The following AFF3 variants were observed in gnomAD, a reference collection of about 807,000 sequenced individuals.
AFF3 encodes the protein ALF transcription elongation factor 3, also known as AF4/FMR2 family member 3.
In AFF3, 32 loss-of-function variants were observed where a neutral mutation model predicts 129.7. That is an observed-to-expected ratio of 0.25 (90% CI 0.19 to 0.33). The LOEUF is 0.33. Ranked by LOEUF, AFF3 falls within the 10% of genes least tolerant of loss-of-function variation. The pLI, the probability that AFF3 is intolerant of heterozygous loss-of-function variation, is 1.00. For synonymous variants in AFF3, 644 were observed against 635.4 expected (o/e 1.01, Z -0.20); for missense variants, 1,373 against 1,592.0 (o/e 0.86, Z 2.34).
At chr2:99,626,704 T>C (rs1037997980) in intron 13 of AFF3, among the ~76,000 whole-genome samples, 3 of 152,162 alleles carry the variant, frequency 2.0e-5, no homozygotes, top group African/African-American at 7.2e-5. Context: ...CATTAGTTAT[T>C]GTTTCTGACT....
intron 12 of AFF3, among the ~76,000 whole-genome samples, chr2:99,666,752 G>C (rs1424302104): frequency 6.6e-6 from 1 of 152,194 alleles, no homozygotes; most frequent in Admixed American, 6.5e-5. Context: ...AGCAGGAGTA[G>C]CTGTGCTGTT....
intron 7 of AFF3, among the ~76,000 whole-genome samples, chr2:99,981,849 G>T (rs1021526484): frequency 2.6e-5 from 4 of 152,158 alleles, no homozygotes; most frequent in African/African-American, 9.7e-5. Flanking sequence ...TTTCTCACAT[G>T]AGCTTCAAAA....
chr2:99,657,352 A>G (rs1416912677), intron 12 of AFF3, among the ~76,000 whole-genome samples: 1 of 151,976 alleles, frequency 6.6e-6, no homozygotes, highest in South Asian at 2.1e-4. Context: ...CTCTCCATGC[A>G]CTCCTAGTCT....
intron 12 of AFF3, among the ~76,000 whole-genome samples, chr2:99,653,841 G>A (rs898400385): frequency 3.4e-5 from 5 of 148,798 alleles, no homozygotes; most frequent in Admixed American, 3.3e-4. Flanking sequence ...GCAACAGCAT[G>A]GTACTTAGCA....
At chr2:100,106,380 G>A (rs898319956) in intron 2 of AFF3, 1 of 1,108,386 alleles carries the variant, frequency 9.0e-7, no homozygotes, top group Non-Finnish European at 1.1e-6. Context: ...ATAGGAAAAA[G>A]TACAGGTGTG....
rs1055777174 is a variant in AFF3, at chr2:99,546,694, C to T, written c.*4780G>A. 8.7e-6 allele frequency: 2 copies of T among 229,374 alleles called. No homozygotes were observed. Among genetic ancestry groups the T allele is most frequent in the Non-Finnish European group, 1.7e-5 (2 of 115,640 alleles). 14.2% of individuals were successfully genotyped at this position (229,374 alleles called of 1,614,324 possible). A position where few individuals can be genotyped will look rare whatever the true frequency, so the allele number is the denominator to read the frequency against. ...TCATGTCAAGCCACTGGTCTAATGCCTCCGTCTTCTTTAGTTCAAAATTAT... is the reference window on the plus strand; with the variant it reads ...TCATGTCAAGCCACTGGTCTAATGCTTCCGTCTTCTTTAGTTCAAAATTAT... On this transcript the variant is annotated 3_prime_UTR_variant, in exon 25 of 25. Transcript: ENST00000672756.
chr2:99,617,812 GA>G (rs1188072156), intron 13 of AFF3, among the ~76,000 whole-genome samples: 3 of 152,136 alleles, frequency 2.0e-5, no homozygotes, highest in Non-Finnish European at 4.4e-5. Context: ...CAAAGGAGTA[GA>G]AAAGTCAGCT....
intron 4 of AFF3, among the ~76,000 whole-genome samples, chr2:100,023,398 T>C (rs1284616773): frequency 6.6e-6 from 1 of 152,190 alleles, no homozygotes; most frequent in Non-Finnish European, 1.5e-5. Flanking sequence ...CATTGTCCTT[T>C]TGGAATTAAA....
chr2:99,646,299 A>T (rs1161094013), intron 13 of AFF3, among the ~76,000 whole-genome samples: 1 of 152,182 alleles, frequency 6.6e-6, no homozygotes, highest in Non-Finnish European at 1.5e-5. Context: ...GGAGGATAAG[A>T]CCCAGAGTGT....
chr2:99,650,065 T>C (rs1685094973), intron 12 of AFF3, among the ~76,000 whole-genome samples: 1 of 152,246 alleles, frequency 6.6e-6, no homozygotes, highest in African/African-American at 2.4e-5. Context: ...TTGTAGCTTC[T>C]TTCCCAATGA....
chr2:99,771,351 G>A (rs971830021), intron 8 of AFF3, among the ~76,000 whole-genome samples: 5 of 150,916 alleles, frequency 3.3e-5, no homozygotes, highest in Admixed American at 1.3e-4. Context: ...CGAGGTACAC[G>A]TTACCTATGT....
At chr2:99,776,231 A>G (rs1683895196) in intron 8 of AFF3, among the ~76,000 whole-genome samples, 1 of 152,226 alleles carries the variant, frequency 6.6e-6, no homozygotes, top group Non-Finnish European at 1.5e-5. Flanking sequence ...CCAGCAGCAG[A>G]GTCAAAATTA....
chr2:99,812,248 C>T (rs1232933346), intron 8 of AFF3, among the ~76,000 whole-genome samples: 3 of 152,170 alleles, frequency 2.0e-5, no homozygotes, highest in Admixed American at 1.3e-4. Flanking sequence ...TTTCCAGAAG[C>T]GGTCAGCTTC....
chr2:99,839,145 T>C (rs999039285), intron 7 of AFF3, among the ~76,000 whole-genome samples: 2 of 152,156 alleles, frequency 1.3e-5, no homozygotes, highest in Admixed American at 1.3e-4. Context: ...GTTTCGCTCT[T>C]GTTGCCCAGG....
At chr2:99,701,633 A>G (rs1676873606) in intron 11 of AFF3, among the ~76,000 whole-genome samples, 1 of 152,242 alleles carries the variant, frequency 6.6e-6, no homozygotes, top group Admixed American at 6.5e-5. Context: ...GGAAACTGAC[A>G]TTAGAACAAT....
At chr2:99,564,240 G>T (rs532453237) in intron 20 of AFF3, among the ~76,000 whole-genome samples, 1 of 152,226 alleles carries the variant, frequency 6.6e-6, no homozygotes, top group East Asian at 1.9e-4. Context: ...TGTGCTCAAG[G>T]TACTCACACT....
At chr2:99,766,262 G>T (rs1683006033) in intron 8 of AFF3, among the ~76,000 whole-genome samples, 1 of 152,240 alleles carries the variant, frequency 6.6e-6, no homozygotes, top group Admixed American at 6.5e-5. Context: ...CCTGCCGAAG[G>T]CACATGCCTT....
At chr2:99,581,588 G>A (rs1021663684) in intron 17 of AFF3, among the ~76,000 whole-genome samples, 5 of 150,766 alleles carry the variant, frequency 3.3e-5, no homozygotes, top group Admixed American at 6.6e-5. Context: ...GTGCAATCTC[G>A]GCTCACTGTA....
intron 4 of AFF3, among the ~76,000 whole-genome samples, chr2:100,038,067 T>C (rs897281267): frequency 1.3e-5 from 2 of 151,968 alleles, no homozygotes. Flanking sequence ...CTAGGCTTTA[T>C]TTCTTTGTAC....
Sources: gnomAD v4.1 joint callset for allele counts (sites outside exome capture counted in the v4.1 genomes callset) on GRCh38, gnomAD v4.1.1 for gene constraint, MANE v1.5 for transcripts, NCBI Gene and HGNC (gene_info 2026-07-23, HGNC 2026-07-21) for gene names.